PCDH15: variants seen among roughly 807,000 people sequenced by gnomAD.
PCDH15 encodes protocadherin related 15, also known as protocadherin-15.
Under a neutral mutation model 178.5 loss-of-function variants are expected in PCDH15, and 129 were observed. That is an observed-to-expected ratio of 0.72 (90% CI 0.63 to 0.84). PCDH15 has a LOEUF of 0.84. PCDH15 is among the 40% of genes least tolerant of loss of function. The probability of loss-of-function intolerance (pLI) is 0.00; values close to 1 mark genes in which losing one functional copy is unlikely to be tolerated. For missense variants in PCDH15, 2,230 were observed against 2,099.9 expected, an observed-to-expected ratio of 1.06 and a Z score of -1.21; for synonymous variants, 800 against 732.0, an observed-to-expected ratio of 1.09 and a Z score of -1.50.
At chr10:54,156,158 ATTTG>A (rs1466369428) in intron 13 of PCDH15, among the ~76,000 whole-genome samples, 2 of 152,130 alleles carry the variant, frequency 1.3e-5, no homozygotes, top group South Asian at 2.1e-4. Flanking sequence ...ATTGTGAGCT[ATTTG>A]TTTTTTTTAT....
intron 1 of PCDH15, among the ~76,000 whole-genome samples, chr10:55,210,618 CTTTTTTTTTTTTTTTTTT>C (rs11412877): frequency 5.0e-5 from 2 of 40,332 alleles, no homozygotes; most frequent in African/African-American, 1.1e-4. Context: ...TTTTTCTTTT[CTTTTTTTTTTTTTTTTTT>C]TTTTTTTTTT....
chr10:54,383,210 A>C (rs1247931432), intron 3 of PCDH15, among the ~76,000 whole-genome samples: 1 of 152,074 alleles, frequency 6.6e-6, no homozygotes, highest in Non-Finnish European at 1.5e-5. Flanking sequence ...GAAATAAGAG[A>C]AGCACAGAAC....
At chr10:55,119,385 A>G (rs1837708176) in intron 2 of PCDH15, among the ~76,000 whole-genome samples, 1 of 152,254 alleles carries the variant, frequency 6.6e-6, no homozygotes, top group East Asian at 1.9e-4. Flanking sequence ...TGCTGGACTG[A>G]CACACAGAAA....
intron 3 of PCDH15, among the ~76,000 whole-genome samples, chr10:54,466,219 T>C (rs921534206): frequency 5.9e-5 from 9 of 151,942 alleles, no homozygotes; most frequent in Admixed American, 2.6e-4. Context: ...TTGTTGCTTG[T>C]GTTTTTTTAG....
intron 3 of PCDH15, among the ~76,000 whole-genome samples, chr10:54,435,954 A>G (rs1023238951): frequency 6.6e-6 from 1 of 151,414 alleles, no homozygotes; most frequent in African/African-American, 2.4e-5. Flanking sequence ...TGGGCAACAG[A>G]GCGAGACTCC....
chr10:54,179,881 ATAGC>A (rs2047817210), intron 13 of PCDH15, among the ~76,000 whole-genome samples: 1 of 152,196 alleles, frequency 6.6e-6, no homozygotes, highest in Non-Finnish European at 1.5e-5. Flanking sequence ...CATTAATTGG[ATAGC>A]TAGCTACTAG....
chr10:54,514,437 A>G (rs952693225), intron 3 of PCDH15, among the ~76,000 whole-genome samples: 5 of 152,082 alleles, frequency 3.3e-5, no homozygotes, highest in Non-Finnish European at 5.9e-5. Context: ...TTATCTGTTA[A>G]TTTTAAATTG....
At chr10:55,045,385 A>T (rs1257154829) in intron 2 of PCDH15, among the ~76,000 whole-genome samples, 1 of 152,102 alleles carries the variant, frequency 6.6e-6, no homozygotes, top group African/African-American at 2.4e-5. Context: ...TGTTAAAATA[A>T]TCTATAATTG....
intron 26 of PCDH15, among the ~76,000 whole-genome samples, chr10:53,884,174 T>C (rs2080930973): frequency 6.6e-6 from 1 of 152,226 alleles, no homozygotes; most frequent in Non-Finnish European, 1.5e-5. Flanking sequence ...CTGCAGGGGC[T>C]GACACTGACA....
intron 6 of PCDH15, among the ~76,000 whole-genome samples, chr10:54,339,149 A>G (rs1285306180): frequency 6.6e-6 from 1 of 152,196 alleles, no homozygotes; most frequent in African/African-American, 2.4e-5. Flanking sequence ...CAACACAAAC[A>G]TGTAAATGTC....
intron 2 of PCDH15, among the ~76,000 whole-genome samples, chr10:55,372,462 T>C (rs1845529149): frequency 6.6e-6 from 1 of 152,152 alleles, no homozygotes. Context: ...AAAGGATATC[T>C]TCAAGATTAT....
intron 1 of PCDH15, among the ~76,000 whole-genome samples, chr10:54,725,939 T>G (rs1015605491): frequency 1.3e-5 from 2 of 151,682 alleles, no homozygotes; most frequent in South Asian, 2.1e-4. Context: ...CAGGTTAGCA[T>G]GTAAATGAAG....
At chr10:55,468,465 C>G (rs144928694) in intron 2 of PCDH15, 23 of 152,068 alleles carry the variant, frequency 1.5e-4, no homozygotes, top group African/African-American at 5.1e-4. Flanking sequence ...AACTTGTGGG[C>G]GAAAAATTGC....
At chr10:54,854,481 C>T (rs901650974) in intron 3 of PCDH15, among the ~76,000 whole-genome samples, 1 of 152,152 alleles carries the variant, frequency 6.6e-6, no homozygotes, top group African/African-American at 2.4e-5. Flanking sequence ...CAAAAAGGAG[C>T]TTTGTTGAGT....
intron 1 of PCDH15, among the ~76,000 whole-genome samples, chr10:54,729,000 A>G (rs1942969230): frequency 6.6e-6 from 1 of 151,692 alleles, no homozygotes; most frequent in Admixed American, 6.6e-5. Context: ...ATACTGTCCA[A>G]AGCTACTACA....
chr10:55,144,159 A>T (rs559745202), intron 2 of PCDH15, among the ~76,000 whole-genome samples: 1 of 152,234 alleles, frequency 6.6e-6, no homozygotes, highest in African/African-American at 2.4e-5. Context: ...AAGCCAATAT[A>T]ACTGATTTTC....
chr10:55,244,077 G>C (rs1466575101), intron 1 of PCDH15, among the ~76,000 whole-genome samples: 1 of 151,952 alleles, frequency 6.6e-6, no homozygotes, highest in Non-Finnish European at 1.5e-5. Flanking sequence ...AGAATATTCT[G>C]ATAATTTGTC....
rs115494681 is a variant in PCDH15, at chr10:54,253,319, T to C, written c.877-16388A>G. Among the ~76,000 whole-genome samples the C allele has an allele frequency of 5.4e-3, 823 of 152,170 alleles. 6 individuals are homozygous for C. The highest frequency in any genetic ancestry group is 0.016 in the African/African-American group (652 of 41,542). ...CTACAGTTTTTTTGGGTATATTCTA[T>C]ATGGAATGAACACAGTGGTTTTTAT... On this transcript the variant is annotated intron_variant, in intron 8 of 37. Coordinates refer to ENST00000644397, the MANE Select transcript of PCDH15 (RefSeq NM_001384140.1).
At chr10:54,145,315 G>C (rs898321829) in intron 14 of PCDH15, among the ~76,000 whole-genome samples, 1 of 151,936 alleles carries the variant, frequency 6.6e-6, no homozygotes, top group East Asian at 1.9e-4. Flanking sequence ...GTGCTACAAG[G>C]AGTCTATTTG....
Sources: gnomAD v4.1 joint callset for allele counts (sites outside exome capture counted in the v4.1 genomes callset) on GRCh38, gnomAD v4.1.1 for gene constraint, MANE v1.5 for transcripts, NCBI Gene and HGNC (gene_info 2026-07-23, HGNC 2026-07-21) for gene names.